The following FZD3 variants were observed in gnomAD, a reference collection of about 807,000 sequenced individuals.
FZD3 encodes frizzled class receptor 3.
A neutral mutation model predicts 60.7 loss-of-function variants in FZD3; 30 were observed. That is an observed-to-expected ratio of 0.49 (90% CI 0.37 to 0.67). The LOEUF (loss-of-function observed/expected upper bound fraction) is 0.67. Ranked by LOEUF, FZD3 falls within the 30% of genes least tolerant of loss-of-function variation. FZD3 has a pLI of 0.00. For synonymous variants in FZD3, 246 were observed against 275.2 expected, an observed-to-expected ratio of 0.89 and a Z score of 1.05; for missense variants, 605 against 838.7, an observed-to-expected ratio of 0.72 and a Z score of 3.44.
intron 5 of FZD3, among the ~76,000 whole-genome samples, chr8:28,545,118 A>T (rs1273649397): frequency 6.6e-6 from 1 of 152,152 alleles, no homozygotes; most frequent in South Asian, 2.1e-4. Context: ...TTTAAGTTTC[A>T]TTGTGAGTTA....
chr8:28,558,424 T>A (rs894439990), intron 7 of FZD3, among the ~76,000 whole-genome samples: 1 of 124,848 alleles, frequency 8.0e-6, no homozygotes, highest in East Asian at 2.4e-4. Context: ...TATTTCTTTC[T>A]TTTATTTATT....
intron 1 of FZD3, among the ~76,000 whole-genome samples, chr8:28,497,245 C>T (rs528062400): frequency 6.6e-6 from 1 of 152,242 alleles, no homozygotes; most frequent in African/African-American, 2.4e-5. Context: ...GGACTTTAAA[C>T]ATTAGATGAA....
chr8:28,554,117 T>A (rs1215601374), intron 6 of FZD3, among the ~76,000 whole-genome samples: 3 of 152,250 alleles, frequency 2.0e-5, no homozygotes, highest in Non-Finnish European at 2.9e-5. Context: ...GAAGCCAGAT[T>A]TAAGACCATA....
chr8:28,560,244 A>G (rs954771972), intron 7 of FZD3, among the ~76,000 whole-genome samples: 1 of 152,144 alleles, frequency 6.6e-6, no homozygotes, highest in Non-Finnish European at 1.5e-5. Flanking sequence ...TGACAACGGC[A>G]GCAAATTAAC....
rs1316192942 is a variant in FZD3, at chr8:28,562,786, C to G, written c.1788-12C>G. 1 of 1,531,000 alleles carries G rather than the reference C, an allele frequency of 6.5e-7. No individual in the cohort carries two copies. Among genetic ancestry groups the G allele is most frequent in the African/African-American group, 1.4e-5 (1 of 72,982 alleles). 94.8% of individuals were successfully genotyped at this position (1,531,000 alleles called of 1,614,324 possible). On this transcript the variant is annotated splice_polypyrimidine_tract_variant and intron_variant, in intron 7 of 7. Coordinates refer to ENST00000240093, the MANE Select transcript of FZD3 (RefSeq NM_017412.4). ...GTTCTGTTACCCACTTCAAAATAAA[C>G]TCTCATGACAGGTACACGCCCTGCA...
At chr8:28,496,089 T>C (rs1803836785) in intron 1 of FZD3, among the ~76,000 whole-genome samples, 1 of 152,178 alleles carries the variant, frequency 6.6e-6, no homozygotes. Context: ...GGCTATTTCT[T>C]GGGAGTTCCG....
intron 1 of FZD3, among the ~76,000 whole-genome samples, chr8:28,496,676 A>G (rs1449252821): frequency 1.3e-5 from 2 of 152,218 alleles, no homozygotes; most frequent in Non-Finnish European, 2.9e-5. Context: ...TGGCTAGGAA[A>G]GAGTTTTACC....
At chr8:28,503,857 G>A (rs147279559) in intron 3 of FZD3, among the ~76,000 whole-genome samples, 202 of 152,246 alleles carry the variant, frequency 1.3e-3, no homozygotes, top group Non-Finnish European at 2.2e-3. Flanking sequence ...CTTTGGCCAC[G>A]TTATATGAAC....
At chr8:28,518,012 G>A (rs968958376) in intron 3 of FZD3, among the ~76,000 whole-genome samples, 25 of 152,088 alleles carry the variant, frequency 1.6e-4, no homozygotes, top group African/African-American at 6.0e-4. Context: ...TTTCTGCTTA[G>A]CACATAAATG....
At chr8:28,556,510 G>GT (rs2130466512) in intron 7 of FZD3, among the ~76,000 whole-genome samples, 1 of 152,310 alleles carries the variant, frequency 6.6e-6, no homozygotes, top group East Asian at 1.9e-4. Context: ...GCCTATCTCA[G>GT]TGAGTACCTC....
At chr8:28,555,499 A>T (rs1479110871) in intron 6 of FZD3, among the ~76,000 whole-genome samples, 1 of 152,176 alleles carries the variant, frequency 6.6e-6, no homozygotes, top group African/African-American at 2.4e-5. Flanking sequence ...TTGGAACTAA[A>T]ATCCTGATTT....
chr8:28,524,963 G>A (rs1256976458), intron 4 of FZD3, among the ~76,000 whole-genome samples: 1 of 152,124 alleles, frequency 6.6e-6, no homozygotes, highest in African/African-American at 2.4e-5. Context: ...CCACATTCAA[G>A]TTAGGCATTC....
chr8:28,562,137 G>T (rs1563408660), intron 7 of FZD3, among the ~76,000 whole-genome samples: 1 of 152,152 alleles, frequency 6.6e-6, no homozygotes, highest in African/African-American at 2.4e-5. Flanking sequence ...CAGAGTGTTA[G>T]GATGTAACTT....
chr8:28,551,228 C>T (rs927619144), intron 5 of FZD3, among the ~76,000 whole-genome samples: 2 of 152,136 alleles, frequency 1.3e-5, no homozygotes, highest in Non-Finnish European at 2.9e-5. Context: ...TTATTTTACT[C>T]TATTTTATTT....
rs754475290 is a variant in FZD3, at chr8:28,520,838, C to T, written c.386+4C>T. 20 of 1,535,400 alleles carry T rather than the reference C, an allele frequency of 1.3e-5. No individual in the cohort carries two copies. The highest frequency in any genetic ancestry group is 6.2e-5 in the South Asian group (5 of 81,192). ...CTGAAGATATGGAATGCAGTAGGTG[C>T]GAAAATCATAGATTTTCATGGATCA... is the stretch of plus-strand genomic sequence containing the variant. On this transcript the variant is annotated splice_donor_region_variant and intron_variant, in intron 4 of 7. Coordinates refer to ENST00000240093, the MANE Select transcript of FZD3 (RefSeq NM_017412.4).
At chr8:28,513,662 A>C (rs1189492279) in intron 3 of FZD3, among the ~76,000 whole-genome samples, 2 of 152,170 alleles carry the variant, frequency 1.3e-5, no homozygotes, top group East Asian at 3.8e-4. Context: ...TTATTCTGAA[A>C]AGTTGTTTTT....
chr8:28,512,200 T>C (rs890347094), intron 3 of FZD3, among the ~76,000 whole-genome samples: 4 of 152,140 alleles, frequency 2.6e-5, no homozygotes, highest in African/African-American at 7.2e-5. Context: ...TACTTATAAG[T>C]GGTGTAATTA....
chr8:28,527,064 G>A lies in FZD3; in HGVS notation c.387-83G>A. On this transcript the variant is annotated intron_variant, in intron 4 of 7. Coordinates refer to ENST00000240093, the MANE Select transcript of FZD3 (RefSeq NM_017412.4). The surrounding 1 kb of genome is among the most constrained non-coding windows in gnomAD (Gnocchi z 5.0). ...TCCAGGAATAAATAAGGTTGTGAGT[G>A]CCAGATTTGGAAATCCAAACTGTTA... The A allele has an allele frequency of 8.7e-7, 1 of 1,144,134 alleles. No individual in the cohort carries two copies. The highest frequency in any genetic ancestry group is 2.3e-5 in the Admixed American group (1 of 44,162). 70.9% of individuals were successfully genotyped at this position (1,144,134 alleles called of 1,614,324 possible). A position where few individuals can be genotyped will look rare whatever the true frequency, so the allele number is the denominator to read the frequency against.
intron 5 of FZD3, among the ~76,000 whole-genome samples, chr8:28,529,304 T>C (rs1025941965): frequency 6.6e-6 from 1 of 152,166 alleles, no homozygotes; most frequent in African/African-American, 2.4e-5. Flanking sequence ...TTTCCTCTTA[T>C]AAAAGTGCAC....
Sources: gnomAD v4.1 joint callset for allele counts (sites outside exome capture counted in the v4.1 genomes callset) on GRCh38, gnomAD v4.1.1 for gene constraint, Gnocchi (gnomAD v3.1) non-coding constraint, MANE v1.5 for transcripts, NCBI Gene and HGNC (gene_info 2026-07-23, HGNC 2026-07-21) for gene names.